Variants in TSHR observed in about 807,000 individuals in gnomAD.
The protein encoded by TSHR is thyrotropin receptor.
In TSHR, 51 loss-of-function variants were observed where a neutral mutation model predicts 64.1. That is an observed-to-expected ratio of 0.80 (90% confidence interval 0.64 to 1.01). The LOEUF (loss-of-function observed/expected upper bound fraction) is 1.01. Among genes scored for constraint, TSHR ranks in the 50% least tolerant of loss-of-function variants. TSHR has a pLI of 0.00. For synonymous variants in TSHR, 361 were observed against 361.9 expected (o/e 1.00, Z 0.03); for missense variants, 877 against 942.8 (o/e 0.93, Z 0.91).
chr14:81,046,372 T>C (rs1475802742), intron 1 of TSHR, among the ~76,000 whole-genome samples: 1 of 151,984 alleles, frequency 6.6e-6, no homozygotes, highest in Non-Finnish European at 1.5e-5. Flanking sequence ...AAGGAACTTC[T>C]AAAGTTAAAA....
intron 1 of TSHR, among the ~76,000 whole-genome samples, chr14:81,008,333 C>A (rs554860629): frequency 6.6e-6 from 1 of 151,980 alleles, no homozygotes; most frequent in Admixed American, 6.6e-5. Context: ...CCACCACGCC[C>A]GGCTAATTTT....
intron 1 of TSHR, among the ~76,000 whole-genome samples, chr14:81,040,163 G>A (rs960084893): frequency 4.0e-5 from 6 of 151,594 alleles, no homozygotes; most frequent in African/African-American, 7.3e-5. Context: ...ATAAATCCAC[G>A]CACTTAAAGC....
At chr14:80,990,112 G>A (rs1484120059) in intron 1 of TSHR, among the ~76,000 whole-genome samples, 1 of 152,240 alleles carries the variant, frequency 6.6e-6, no homozygotes, top group Non-Finnish European at 1.5e-5. Context: ...CTGGTTAATA[G>A]ATATTTTTAG....
chr14:81,002,528 G>A (rs1889374954), intron 1 of TSHR, among the ~76,000 whole-genome samples: 1 of 152,090 alleles, frequency 6.6e-6, no homozygotes, highest in South Asian at 2.1e-4. Context: ...AGCACTATAG[G>A]TTTGCTATTA....
Position 81,102,044 on chromosome 14 carries a change from C to T in TSHR, c.614+5337C>T, listed in dbSNP as rs1287664796. Among the ~76,000 whole-genome samples the T allele has an allele frequency of 4.6e-5, 7 of 151,726 alleles. No homozygotes were observed. The South Asian group carries it at 6.3e-4, about 14-fold the overall frequency. On this transcript the variant is annotated intron_variant, in intron 7 of 9. Coordinates refer to ENST00000298171, the MANE Select transcript of TSHR (RefSeq NM_000369.5). Reference sequence around the variant, plus strand: ...AAAATTAGCTGGGCGTGGTGGCGGGCGCCTGTAGTCCCAGCTACTCGGGAG... The same window carrying T: ...AAAATTAGCTGGGCGTGGTGGCGGGTGCCTGTAGTCCCAGCTACTCGGGAG...
At chr14:81,129,172 C>T (rs891167829) in intron 8 of TSHR, among the ~76,000 whole-genome samples, 1 of 152,172 alleles carries the variant, frequency 6.6e-6, no homozygotes, top group Admixed American at 6.5e-5. Flanking sequence ...TGACCAATGA[C>T]TACAAAGCCT....
At chr14:81,046,752 C>A (rs1371740912) in intron 1 of TSHR, among the ~76,000 whole-genome samples, 2 of 151,954 alleles carry the variant, frequency 1.3e-5, no homozygotes, top group African/African-American at 2.4e-5. Flanking sequence ...GAAAATGATA[C>A]CAGGACATAT....
At chr14:81,015,567 C>T (rs1342358961) in intron 1 of TSHR, among the ~76,000 whole-genome samples, 1 of 151,890 alleles carries the variant, frequency 6.6e-6, no homozygotes, top group East Asian at 1.9e-4. Flanking sequence ...ATGTATATAT[C>T]GTAGAATAGC....
rs1304377130 is a variant in TSHR at position 81,032,631 on chromosome 14, A to G, written c.171-29517A>G. The G allele has an allele frequency of 9.2e-6, 4 of 433,098 alleles. No individual in the cohort carries two copies. In the Admixed American group the frequency reaches 1.1e-4, roughly 12 times the overall value. 26.8% of individuals were successfully genotyped at this position (433,098 alleles called of 1,614,324 possible). A position where few individuals can be genotyped will look rare whatever the true frequency, so the allele number is the denominator to read the frequency against. On this transcript the variant is annotated intron_variant, in intron 1 of 9. Transcript: ENST00000298171. The stretch of plus-strand genomic sequence containing the variant: ...GTTGTTTGAACTAGCCAAGGACTGC[A>G]TGAATTGAACAGGAAGATAGAGAGT...
chr14:80,973,853 A>ATTC (rs1254830957), intron 1 of TSHR, among the ~76,000 whole-genome samples: 1 of 152,188 alleles, frequency 6.6e-6, no homozygotes, highest in Non-Finnish European at 1.5e-5. Flanking sequence ...GACATAAATT[A>ATTC]TTCTTCACCT....
intron 1 of TSHR, among the ~76,000 whole-genome samples, chr14:80,973,142 A>G (rs1239709927): frequency 2.0e-5 from 3 of 152,102 alleles, no homozygotes; most frequent in Non-Finnish European, 4.4e-5. Context: ...GCGGTGGCTC[A>G]CGCCTGTAAT....
intron 1 of TSHR, among the ~76,000 whole-genome samples, chr14:81,016,460 T>C (rs1318711084): frequency 6.8e-6 from 1 of 146,558 alleles, no homozygotes; most frequent in Non-Finnish European, 1.5e-5. Context: ...TTTGACCATT[T>C]TTAATGGGTT....
chr14:81,023,135 A>G (rs1181598907), intron 1 of TSHR, among the ~76,000 whole-genome samples: 2 of 152,212 alleles, frequency 1.3e-5, no homozygotes, highest in African/African-American at 4.8e-5. Flanking sequence ...TAGCAGCCCA[A>G]TGGCCTAAGA....
chr14:81,131,898 A>G (rs1891264902), intron 8 of TSHR, among the ~76,000 whole-genome samples: 1 of 152,194 alleles, frequency 6.6e-6, no homozygotes, highest in Non-Finnish European at 1.5e-5. Context: ...GCATGAGGAG[A>G]GCAGGAATTT....
chr14:81,053,358 C>G (rs977839260), intron 1 of TSHR: 1 of 152,282 alleles, frequency 6.6e-6, no homozygotes, highest in East Asian at 1.9e-4. Flanking sequence ...AGACACAACA[C>G]GAAATAATGT....
In TSHR at chr14:81,025,664, A is replaced by G. The variant is rs1884013133; in HGVS notation, c.171-36484A>G. Among the ~76,000 whole-genome samples, 3 of 152,200 alleles carry G rather than the reference A, an allele frequency of 2.0e-5. No homozygotes were observed. The South Asian group carries it at 6.2e-4, about 32-fold the overall frequency. On this transcript the variant is annotated intron_variant, in intron 1 of 9. Coordinates refer to ENST00000298171, the MANE Select transcript of TSHR (RefSeq NM_000369.5). ...TGTGAGACATTCAATAAATCACTGA[A>G]CCTTCTAGGCTTGAGTTCCCTCACT...
intron 8 of TSHR, among the ~76,000 whole-genome samples, chr14:81,138,183 G>T (rs986084189): frequency 1.3e-5 from 2 of 150,104 alleles, no homozygotes; most frequent in Non-Finnish European, 2.9e-5. Flanking sequence ...AAGCGCCAAG[G>T]GTAATTTTTT....
At chr14:81,012,455 C>A (rs1889965467) in intron 1 of TSHR, 1 of 151,098 alleles carries the variant, frequency 6.6e-6, no homozygotes, top group Non-Finnish European at 1.5e-5. Flanking sequence ...GGTATATACC[C>A]AGTAATGGGA....
At position 81,145,295 on chromosome 14, in the gene TSHR, A is replaced by G. The variant is rs1161464908; in HGVS notation, c.*942A>G. 4.3e-6 allele frequency: 1 copy of G among 233,058 alleles called. No homozygotes were observed. Among genetic ancestry groups the G allele is most frequent in the African/African-American group, 2.2e-5 (1 of 45,336 alleles). The allele number at this position is 233,058 out of a possible 1,614,324, so 14.4% of individuals were successfully genotyped here. ...TCCCTCAAATATATATTTCTAAGAT[A>G]AAGAGAAAGAAGAGCACTAAGTAAG... On this transcript the variant is annotated 3_prime_UTR_variant, in exon 10 of 10. Coordinates refer to ENST00000298171, the MANE Select transcript of TSHR (RefSeq NM_000369.5).
Sources: allele counts gnomAD v4.1 joint callset (sites outside exome capture counted in the v4.1 genomes callset), GRCh38; gene constraint gnomAD v4.1.1; transcripts MANE v1.5; gene names NCBI Gene and HGNC (gene_info 2026-07-23, HGNC 2026-07-21).